GRID2: variants seen among roughly 807,000 people sequenced by gnomAD.
GRID2 encodes glutamate receptor ionotropic, delta-2.
Under a neutral mutation model 114.8 loss-of-function variants are expected in GRID2, and 33 were observed. That is an observed-to-expected ratio of 0.29 (90% CI 0.22 to 0.38). The LOEUF (loss-of-function observed/expected upper bound fraction) is 0.38. Ranked by LOEUF, GRID2 falls within the 10% of genes least tolerant of loss-of-function variation. GRID2 has a pLI of 1.00. For synonymous variants in GRID2, 505 were observed against 449.9 expected (o/e 1.12, Z -1.55); for missense variants, 1,184 against 1,257.7 (o/e 0.94, Z 0.89).
chr4:92,678,737 A>AC (rs1733506329), intron 2 of GRID2, among the ~76,000 whole-genome samples: 1 of 151,970 alleles, frequency 6.6e-6, no homozygotes. Context: ...AGAGAGTGTA[A>AC]GCATTTATGA....
chr4:93,056,167 C>A (rs191114511), intron 2 of GRID2, among the ~76,000 whole-genome samples: 22 of 151,978 alleles, frequency 1.4e-4, no homozygotes, highest in South Asian at 8.3e-4. Flanking sequence ...AAGCCTCACC[C>A]AAACTGAAAA....
intron 8 of GRID2, among the ~76,000 whole-genome samples, chr4:93,394,508 G>A (rs941511009): frequency 4.0e-5 from 6 of 151,796 alleles, no homozygotes; most frequent in Non-Finnish European, 7.4e-5. Context: ...ATTTGTGGGG[G>A]AGACTTGCCA....
chr4:92,735,414 G>GA (rs1736544746), intron 2 of GRID2, among the ~76,000 whole-genome samples: 1 of 152,102 alleles, frequency 6.6e-6, no homozygotes, highest in Non-Finnish European at 1.5e-5. Context: ...AAAGGTATGT[G>GA]AATGTGGTTT....
chr4:92,511,182 T>TA (rs1361425805), intron 1 of GRID2, among the ~76,000 whole-genome samples: 2 of 151,738 alleles, frequency 1.3e-5, no homozygotes, highest in Non-Finnish European at 2.9e-5. Context: ...TTAGGGAGCT[T>TA]ACAATCATGG....
At chr4:92,773,194 T>C (rs1219859004) in intron 2 of GRID2, among the ~76,000 whole-genome samples, 2 of 152,212 alleles carry the variant, frequency 1.3e-5, no homozygotes, top group Admixed American at 1.3e-4. Context: ...ATCAATACAA[T>C]GGATATAAAA....
intron 14 of GRID2, among the ~76,000 whole-genome samples, chr4:93,710,681 C>G (rs961124309): frequency 6.6e-6 from 1 of 152,174 alleles, no homozygotes; most frequent in Non-Finnish European, 1.5e-5. Context: ...AAATTCCTTT[C>G]TGGCCCAGGG....
intron 6 of GRID2, among the ~76,000 whole-genome samples, chr4:93,218,585 A>G (rs1744507814): frequency 6.6e-6 from 1 of 152,212 alleles, no homozygotes; most frequent in Non-Finnish European, 1.5e-5. Flanking sequence ...CATTTCCTCC[A>G]TCATAATTAC....
chr4:93,491,264 G>A (rs997388627), intron 12 of GRID2, among the ~76,000 whole-genome samples: 4 of 151,818 alleles, frequency 2.6e-5, no homozygotes, highest in Non-Finnish European at 5.9e-5. Context: ...GAAAATTATA[G>A]TATTTCAGTA....
intron 8 of GRID2, among the ~76,000 whole-genome samples, chr4:93,325,646 A>G (rs1241777524): frequency 6.6e-6 from 1 of 152,004 alleles, no homozygotes; most frequent in Non-Finnish European, 1.5e-5. Flanking sequence ...TTCAGTTTCA[A>G]TTATTCCTGG....
chr4:93,330,328 A>G (rs1238166738), intron 8 of GRID2, among the ~76,000 whole-genome samples: 1 of 152,132 alleles, frequency 6.6e-6, no homozygotes, highest in East Asian at 1.9e-4. Context: ...AAGAATCAGG[A>G]GTTAGGAGAC....
intron 8 of GRID2, among the ~76,000 whole-genome samples, chr4:93,252,728 C>A (rs1749108383): frequency 1.3e-5 from 2 of 152,020 alleles, no homozygotes; most frequent in African/African-American, 4.8e-5. Context: ...TTATTTGTGT[C>A]ATCTCTGATT....
At chr4:93,637,472 A>C (rs1669699701) in intron 14 of GRID2, among the ~76,000 whole-genome samples, 1 of 152,214 alleles carries the variant, frequency 6.6e-6, no homozygotes, top group Non-Finnish European at 1.5e-5. Flanking sequence ...AACATGCACC[A>C]GTGCTGGAAA....
intron 14 of GRID2, among the ~76,000 whole-genome samples, chr4:93,671,306 C>G (rs1334842814): frequency 1.3e-5 from 2 of 152,096 alleles, no homozygotes. Context: ...ATCATTTCAG[C>G]CTGAGAAAGT....
At chr4:93,633,192 C>T (rs1578445714) in intron 14 of GRID2, among the ~76,000 whole-genome samples, 1 of 151,962 alleles carries the variant, frequency 6.6e-6, no homozygotes, top group East Asian at 1.9e-4. Flanking sequence ...TAGTTTTATA[C>T]TCCTTAGTTG....
At chr4:93,295,961 T>G (rs1405428034) in intron 8 of GRID2, among the ~76,000 whole-genome samples, 1 of 152,196 alleles carries the variant, frequency 6.6e-6, no homozygotes, top group African/African-American at 2.4e-5. Flanking sequence ...AGATTTTTAT[T>G]TTGGAATAGA....
intron 7 of GRID2, among the ~76,000 whole-genome samples, chr4:93,227,922 A>C (rs1745685920): frequency 6.6e-6 from 1 of 152,192 alleles, no homozygotes; most frequent in Admixed American, 6.5e-5. Context: ...CAAATTAAAT[A>C]AACTCTTAAG....
chr4:92,363,689 G>T (rs968280808), intron 1 of GRID2, among the ~76,000 whole-genome samples: 1 of 151,540 alleles, frequency 6.6e-6, no homozygotes, highest in Admixed American at 6.6e-5. Context: ...AACATACTAT[G>T]TTCCTAAAAT....
At chr4:93,082,662 C>A (rs1360272276) in intron 2 of GRID2, among the ~76,000 whole-genome samples, 2 of 152,142 alleles carry the variant, frequency 1.3e-5, no homozygotes, top group Non-Finnish European at 2.9e-5. Flanking sequence ...TTAGGCCTGA[C>A]ATTATATGCT....
At chr4:92,470,323 T>A in intron 1 of GRID2, among the ~76,000 whole-genome samples, 1 of 151,612 alleles carries the variant, frequency 6.6e-6, no homozygotes, top group East Asian at 1.9e-4. Context: ...GTAAAACATA[T>A]AATATTGGCA....
Sources: allele counts gnomAD v4.1 joint callset (sites outside exome capture counted in the v4.1 genomes callset), GRCh38; gene constraint gnomAD v4.1.1; transcripts MANE v1.5; gene names NCBI Gene and HGNC (gene_info 2026-07-23, HGNC 2026-07-21).